SLC24A2: variants seen among roughly 807,000 people sequenced by gnomAD.
SLC24A2 encodes the protein sodium/potassium/calcium exchanger 2.
Under a neutral mutation model 62.0 loss-of-function variants are expected in SLC24A2, and 36 were observed. That is an observed-to-expected ratio of 0.58 (90% CI 0.44 to 0.77). The LOEUF is 0.77. Among genes scored for constraint, SLC24A2 ranks in the 30% least tolerant of loss-of-function variants. The pLI is 0.00. For synonymous variants in SLC24A2, 358 were observed against 294.0 expected (o/e 1.22, Z -2.23); for missense variants, 846 against 817.9 (o/e 1.03, Z -0.42).
chr9:20,055,905 T>A, the SLC24A2 span, among the ~76,000 whole-genome samples: 35 of 151,796 alleles, frequency 2.3e-4, no homozygotes, highest in African/African-American at 8.0e-4. Flanking sequence ...ATAAAAAAAT[T>A]ATAAAAAAAT....
the SLC24A2 span, among the ~76,000 whole-genome samples, chr9:20,100,200 GTTTGTTTTT>G: frequency 6.6e-6 from 1 of 151,024 alleles, no homozygotes; most frequent in African/African-American, 2.4e-5. Context: ...GTGTGTTTTT[GTTTGTTTTT>G]TTTGTTTTTT....
intron 7 of SLC24A2, among the ~76,000 whole-genome samples, chr9:19,563,587 C>A (rs960570476): frequency 6.6e-6 from 1 of 152,112 alleles, no homozygotes. Context: ...ACATTTATTA[C>A]GAAATCTTCC....
chr9:19,618,045 G>A (rs1221724237), intron 4 of SLC24A2, among the ~76,000 whole-genome samples: 2 of 152,210 alleles, frequency 1.3e-5, no homozygotes, highest in Admixed American at 1.3e-4. Flanking sequence ...GAATAATAAT[G>A]TTAGCTATGA....
At chr9:20,013,228 T>TAA in the SLC24A2 span, among the ~76,000 whole-genome samples, 72 of 150,246 alleles carry the variant, frequency 4.8e-4, no homozygotes, top group Admixed American at 1.9e-3. Flanking sequence ...AAACAGGACT[T>TAA]AAAAAAAAAA....
At chr9:19,704,166 T>A (rs1001442088) in intron 2 of SLC24A2, among the ~76,000 whole-genome samples, 2 of 152,198 alleles carry the variant, frequency 1.3e-5, no homozygotes, top group Non-Finnish European at 2.9e-5. Flanking sequence ...CAGTTTCTGA[T>A]GTAGTAGGTC....
At chr9:20,306,098 G>T in the SLC24A2 span, among the ~76,000 whole-genome samples, 1 of 152,108 alleles carries the variant, frequency 6.6e-6, no homozygotes, top group Non-Finnish European at 1.5e-5. Context: ...GGTACTAGGG[G>T]TTAAGACTTC....
chr9:19,720,800 T>C (rs1417688670), intron 2 of SLC24A2, among the ~76,000 whole-genome samples: 1 of 151,660 alleles, frequency 6.6e-6, no homozygotes, highest in Non-Finnish European at 1.5e-5. Context: ...TGATTTTCTT[T>C]TTGTAGTTCT....
At chr9:19,552,563 T>C (rs1249273996) in intron 7 of SLC24A2, among the ~76,000 whole-genome samples, 1 of 152,052 alleles carries the variant, frequency 6.6e-6, no homozygotes, top group African/African-American at 2.4e-5. Context: ...TGAAGACCCA[T>C]CAAGCTGATG....
intron 2 of SLC24A2, among the ~76,000 whole-genome samples, chr9:19,685,299 T>C (rs1004944128): frequency 9.2e-5 from 14 of 152,170 alleles, no homozygotes; most frequent in African/African-American, 2.7e-4. Context: ...TGCTCATTGA[T>C]TGGAAGAATC....
the SLC24A2 span, among the ~76,000 whole-genome samples, chr9:20,227,535 T>TGAAGAAAAGGCTCACACATTTCTA: frequency 8.0e-6 from 1 of 124,636 alleles, no homozygotes; most frequent in Non-Finnish European, 1.7e-5. Context: ...CACACATTTC[T>TGAAGAAAAGGCTCACACATTTCTA]AAAAAAAAAA....
intron 2 of SLC24A2, among the ~76,000 whole-genome samples, chr9:19,734,374 T>G (rs190271171): frequency 6.6e-6 from 1 of 152,206 alleles, no homozygotes; most frequent in Non-Finnish European, 1.5e-5. Flanking sequence ...TGCGGGCTCT[T>G]TTTTGGTTCC....
chr9:19,555,621 T>C (rs16937602), intron 7 of SLC24A2, among the ~76,000 whole-genome samples: 8,692 of 152,288 alleles, frequency 0.057, 812 homozygotes, highest in African/African-American at 0.2. Flanking sequence ...AGTGGTGTAA[T>C]AGAAATTTTA....
At position 19,578,105 on chromosome 9, in the gene SLC24A2, C is replaced by T. The variant is rs904195739; in HGVS notation, c.1130-1083G>A. Reference sequence around the variant, plus strand: ...CTTGGGGGGAAGAGTGGGAGGGGGACGAGGGATAAAGGACTACAAATATGG... The same window carrying T: ...CTTGGGGGGAAGAGTGGGAGGGGGATGAGGGATAAAGGACTACAAATATGG... On this transcript the variant is annotated intron_variant, in intron 5 of 10. Coordinates refer to ENST00000341998, the MANE Select transcript of SLC24A2 (RefSeq NM_020344.4). Among the ~76,000 whole-genome samples, 8 of 150,226 alleles carry T rather than the reference C, an allele frequency of 5.3e-5. No individual in the cohort carries two copies. The East Asian group carries it at 5.9e-4, about 11-fold the overall frequency.
At chr9:19,674,891 C>T (rs1463336665) in intron 2 of SLC24A2, among the ~76,000 whole-genome samples, 3 of 152,176 alleles carry the variant, frequency 2.0e-5, no homozygotes, top group Non-Finnish European at 4.4e-5. Flanking sequence ...GCATCCACTG[C>T]TGGTGAGCTA....
intron 5 of SLC24A2, among the ~76,000 whole-genome samples, chr9:19,588,194 T>C (rs1836432278): frequency 1.9e-5 from 2 of 103,864 alleles, no homozygotes; most frequent in African/African-American, 3.6e-5. Context: ...TTTTTTTTTT[T>C]CTGGATAAGG....
chr9:20,296,773 G>C, the SLC24A2 span, among the ~76,000 whole-genome samples: 1 of 152,186 alleles, frequency 6.6e-6, no homozygotes, highest in African/African-American at 2.4e-5. Flanking sequence ...GCCAATCATA[G>C]TGGTATGCAT....
At chr9:19,532,865 C>G (rs1182141623) in intron 8 of SLC24A2, among the ~76,000 whole-genome samples, 1 of 152,216 alleles carries the variant, frequency 6.6e-6, no homozygotes, top group Non-Finnish European at 1.5e-5. Context: ...GTTTTCATAT[C>G]TCATTAGATG....
chr9:20,254,667 T>G, the SLC24A2 span, among the ~76,000 whole-genome samples: 1 of 152,134 alleles, frequency 6.6e-6, no homozygotes, highest in Non-Finnish European at 1.5e-5. Flanking sequence ...TAGTGGCCCA[T>G]GAAAAAGGCA....
chr9:19,866,549 A>G, the SLC24A2 span, among the ~76,000 whole-genome samples: 1 of 151,906 alleles, frequency 6.6e-6, no homozygotes, highest in Non-Finnish European at 1.5e-5. Flanking sequence ...GTCATTTGCA[A>G]CAACATGGAT....
Sources: gnomAD v4.1 joint callset for allele counts (sites outside exome capture counted in the v4.1 genomes callset) on GRCh38, gnomAD v4.1.1 for gene constraint, MANE v1.5 for transcripts, NCBI Gene and HGNC (gene_info 2026-07-23, HGNC 2026-07-21) for gene names.